Variants in ATF6 observed in about 807,000 individuals in gnomAD.
ATF6 encodes the protein activating transcription factor 6.
In ATF6, 53 loss-of-function variants were observed where a neutral mutation model predicts 83.6. The observed-to-expected ratio is 0.63, with a 90% CI of 0.51 to 0.80. The LOEUF (loss-of-function observed/expected upper bound fraction) is 0.80, where lower values mean the gene tolerates loss of function less well. Among genes scored for constraint, ATF6 ranks in the 30% least tolerant of loss-of-function variants. The pLI, the probability that ATF6 is intolerant of heterozygous loss-of-function variation, is 0.00. For missense variants in ATF6, 744 were observed against 797.9 expected (o/e 0.93, Z 0.81); for synonymous variants, 288 against 285.8 (o/e 1.01, Z -0.08).
At chr1:161,915,167 C>T (rs575698860) in intron 15 of ATF6, among the ~76,000 whole-genome samples, 1 of 151,854 alleles carries the variant, frequency 6.6e-6, no homozygotes, top group South Asian at 2.1e-4. Context: ...GTTTCCACTA[C>T]CACCGGCCCA....
At chr1:161,836,615 A>G (rs1285611521) in intron 9 of ATF6, among the ~76,000 whole-genome samples, 1 of 152,214 alleles carries the variant, frequency 6.6e-6, no homozygotes, top group Non-Finnish European at 1.5e-5. Context: ...TTTTCTCTGT[A>G]GATTTCATCC....
At position 161,846,536 on chromosome 1, in the gene ATF6, G is replaced by A. The variant is rs201554630; in HGVS notation, c.1275G>A (p.Glu425=). 3 of 1,611,452 alleles carry A rather than the reference G, an allele frequency of 1.9e-6. No individual in the cohort carries two copies. The highest frequency in any genetic ancestry group is 2.7e-5 in the African/African-American group (2 of 74,756). Residue 425 remains glutamate, a synonymous_variant, in exon 10 of 16, where the codon GAG becomes GAA. Coordinates refer to ENST00000367942, the MANE Select transcript of ATF6 (RefSeq NM_007348.4). ...ACCTTCTAGGATTTTCTGCTAAAGA[G>A]GCACAGGACACATCAGATGGTATTA... ...RRHLLGFSAK[E]AQDTSDGIIQ... is the part of the protein sequence containing the mutation.
At chr1:161,794,788 C>A (rs1684973955) in intron 6 of ATF6, among the ~76,000 whole-genome samples, 1 of 152,106 alleles carries the variant, frequency 6.6e-6, no homozygotes, top group Non-Finnish European at 1.5e-5. Context: ...TCCTCCATGT[C>A]CTTTAAGACT....
intron 14 of ATF6, among the ~76,000 whole-genome samples, chr1:161,872,306 A>G (rs1267934094): frequency 1.3e-5 from 2 of 151,648 alleles, no homozygotes; most frequent in Non-Finnish European, 3.0e-5. Context: ...GTTCTTGATC[A>G]TTTCCCTCTA....
chr1:161,813,081 T>G (rs1277664259), intron 7 of ATF6, among the ~76,000 whole-genome samples: 2 of 152,018 alleles, frequency 1.3e-5, no homozygotes, highest in African/African-American at 4.8e-5. Context: ...GCTTACAACT[T>G]TATGGGAAAA....
chr1:161,856,804 AG>A (rs1259468594), intron 12 of ATF6, among the ~76,000 whole-genome samples: 1 of 152,190 alleles, frequency 6.6e-6, no homozygotes, highest in African/African-American at 2.4e-5. Flanking sequence ...TTACTGTGGA[AG>A]GGGTGCTTGG....
Position 161,802,284 on chromosome 1 carries a change from A to T in ATF6, c.909+12A>T. On this transcript the variant is annotated intron_variant, in intron 7 of 15. Transcript: ENST00000367942. ...ATGTCGGTTCAGATGTAAGTTTTGAAACTTAGTGCTTCTCTTAATGCCTGA... is the reference window on the plus strand; with the variant it reads ...ATGTCGGTTCAGATGTAAGTTTTGATACTTAGTGCTTCTCTTAATGCCTGA... The T allele has an allele frequency of 6.2e-7, 1 of 1,608,660 alleles. No individual in the cohort carries two copies. The highest frequency in any genetic ancestry group is 1.1e-5 in the South Asian group (1 of 90,910).
At chr1:161,813,779 C>G (rs1056268353) in intron 7 of ATF6, among the ~76,000 whole-genome samples, 4 of 152,010 alleles carry the variant, frequency 2.6e-5, no homozygotes, top group Non-Finnish European at 4.4e-5. Flanking sequence ...TAATTCATTG[C>G]AATGCTGGGC....
intron 7 of ATF6, among the ~76,000 whole-genome samples, chr1:161,804,498 G>A (rs574655624): frequency 6.6e-6 from 1 of 152,214 alleles, no homozygotes; most frequent in South Asian, 2.1e-4. Context: ...AGGATGGAAA[G>A]TAGACCTGGG....
intron 5 of ATF6, among the ~76,000 whole-genome samples, chr1:161,791,839 C>T (rs1333016297): frequency 2.0e-5 from 3 of 152,204 alleles, no homozygotes; most frequent in African/African-American, 4.8e-5. Context: ...ACATTTGTTA[C>T]CTCATTAATC....
In ATF6 at chr1:161,792,107, G is replaced by A. The variant is rs763210080; in HGVS notation, c.485-17G>A. On this transcript the variant is annotated splice_polypyrimidine_tract_variant and intron_variant, in intron 5 of 15. Transcript: ENST00000367942. ...TTGCTTTCACATTGACTTGTGGTTT[G>A]TCTGGTTTTTCTCCAGAAAATGGAC... 2 of 1,611,610 alleles carry A rather than the reference G, an allele frequency of 1.2e-6. No individual in the cohort carries two copies. Among genetic ancestry groups the A allele is most frequent in the Admixed American group, 3.3e-5 (2 of 59,984 alleles).
At chr1:161,779,002 T>C (rs1275482943) in intron 2 of ATF6, among the ~76,000 whole-genome samples, 1 of 152,228 alleles carries the variant, frequency 6.6e-6, no homozygotes, top group Non-Finnish European at 1.5e-5. Context: ...TAGGCTCTTA[T>C]TAACTTGAGT....
chr1:161,838,367 C>T (rs1458497754), intron 9 of ATF6, among the ~76,000 whole-genome samples: 3 of 152,138 alleles, frequency 2.0e-5, no homozygotes, highest in Non-Finnish European at 4.4e-5. Flanking sequence ...CACCCCAAAA[C>T]CTAAACGCTT....
intron 14 of ATF6, among the ~76,000 whole-genome samples, chr1:161,893,503 G>A (rs1431100619): frequency 6.6e-6 from 1 of 152,214 alleles, no homozygotes. Flanking sequence ...CCTGAAAAAT[G>A]ATAACAAGTG....
chr1:161,768,913 T>C (rs541589297), intron 1 of ATF6, among the ~76,000 whole-genome samples: 1 of 152,254 alleles, frequency 6.6e-6, no homozygotes, highest in South Asian at 2.1e-4. Context: ...AATTTAAAAA[T>C]CAGATTATGT....
chr1:161,820,435 T>C (rs376113987), intron 8 of ATF6, among the ~76,000 whole-genome samples: 1 of 152,288 alleles, frequency 6.6e-6, no homozygotes, highest in East Asian at 1.9e-4. Context: ...CAAAATTCTT[T>C]GGGGATCCGT....
At chr1:161,791,291 C>A in intron 4 of ATF6, 117 bp from the exon 5 acceptor site, 2 of 747,284 alleles carry the variant, frequency 2.7e-6, no homozygotes, top group Non-Finnish European at 4.1e-6. Flanking sequence ...TCTAATATAC[C>A]TTTCCTTTGA....
intron 15 of ATF6, among the ~76,000 whole-genome samples, chr1:161,924,388 G>T (rs1205717873): frequency 1.3e-5 from 2 of 152,180 alleles, no homozygotes; most frequent in African/African-American, 4.8e-5. Context: ...AAGTTAGAGA[G>T]TGCTAAGAAA....
chr1:161,935,999 G>A (rs1477444023), intron 15 of ATF6, among the ~76,000 whole-genome samples: 2 of 152,118 alleles, frequency 1.3e-5, no homozygotes, highest in South Asian at 2.1e-4. Context: ...CCTTAATGCC[G>A]TCTTCACGTG....
Sources: allele counts gnomAD v4.1 joint callset (sites outside exome capture counted in the v4.1 genomes callset), GRCh38; gene constraint gnomAD v4.1.1; transcripts MANE v1.5; gene names NCBI Gene and HGNC (gene_info 2026-07-23, HGNC 2026-07-21).